The following SOX6 variants were observed in gnomAD, a reference collection of about 807,000 sequenced individuals.
The protein encoded by SOX6 is transcription factor SOX-6.
A neutral mutation model predicts 97.8 loss-of-function variants in SOX6; 11 were observed. That is an observed-to-expected ratio of 0.11 (90% CI 0.07 to 0.19). The LOEUF (loss-of-function observed/expected upper bound fraction) is 0.19. Among genes scored for constraint, SOX6 ranks in the 10% least tolerant of loss-of-function variants. The pLI is 1.00. For missense variants in SOX6, 810 were observed against 1,039.5 expected (o/e 0.78, Z 3.04); for synonymous variants, 360 against 371.4 (o/e 0.97, Z 0.35).
chr11:16,408,940 T>C (rs1858739495), intron 1 of SOX6: 2 of 152,154 alleles, frequency 1.3e-5, no homozygotes, highest in East Asian at 1.9e-4. Context: ...AATGGGGTAA[T>C]TGTGGGACCT....
At chr11:16,028,363 C>T (rs1287156517) in intron 12 of SOX6, among the ~76,000 whole-genome samples, 3 of 152,172 alleles carry the variant, frequency 2.0e-5, no homozygotes, top group African/African-American at 7.2e-5. Flanking sequence ...ACAAAGCTTT[C>T]AGGGAAAGTC....
At chr11:16,635,678 C>T (rs1427051992) in intron 3 of SOX6, among the ~76,000 whole-genome samples, 1 of 152,174 alleles carries the variant, frequency 6.6e-6, no homozygotes, top group African/African-American at 2.4e-5. Context: ...ACAGCTGCCC[C>T]TCCCATCACA....
chr11:16,005,905 A>G (rs1854539167), intron 13 of SOX6, among the ~76,000 whole-genome samples: 2 of 151,964 alleles, frequency 1.3e-5, no homozygotes, highest in Non-Finnish European at 2.9e-5. Context: ...CCCCTCTGGT[A>G]CTATGACCTA....
In SOX6 at chr11:16,572,412, C is replaced by A. The variant is rs139689783; in HGVS notation, n.609+39669G>T. Among the ~76,000 whole-genome samples the A allele has an allele frequency of 1.8e-4, 27 of 152,236 alleles. No individual in the cohort carries two copies. The East Asian group carries it at 4.8e-3, about 27-fold the overall frequency. On this transcript the variant is annotated intron_variant and non_coding_transcript_variant, in intron 4 of 5. Coordinates refer to the SOX6 transcript ENST00000524520. ...AAAAAACTTTAAGAAATACTTTAAG[C>A]CATAATGCTTAATTTATTTTTTAAA...
chr11:16,286,388 T>A (rs932536014), intron 3 of SOX6, among the ~76,000 whole-genome samples: 37 of 152,154 alleles, frequency 2.4e-4, no homozygotes, highest in Non-Finnish European at 1.0e-4. Flanking sequence ...AGAAGAGGAA[T>A]GCTCCTGGAC....
intron 4 of SOX6, among the ~76,000 whole-genome samples, chr11:16,211,602 A>T (rs1852235823): frequency 6.6e-6 from 1 of 152,200 alleles, no homozygotes; most frequent in South Asian, 2.1e-4. Flanking sequence ...GGTTCCTGGA[A>T]TCTGGAGAAT....
chr11:16,402,879 C>T (rs1381802673), intron 1 of SOX6: 9 of 1,522,552 alleles, frequency 5.9e-6, no homozygotes, highest in South Asian at 4.8e-5. Flanking sequence ...AAACTACACT[C>T]AGTTGGGCTG....
intron 2 of SOX6, among the ~76,000 whole-genome samples, chr11:16,726,681 G>A (rs1009661560): frequency 1.3e-5 from 2 of 152,128 alleles, no homozygotes; most frequent in African/African-American, 4.8e-5. Context: ...GGGAAGAACA[G>A]GGCAAAAGTA....
intron 1 of SOX6, among the ~76,000 whole-genome samples, chr11:16,425,703 A>C (rs1460427083): frequency 1.3e-5 from 2 of 152,200 alleles, no homozygotes; most frequent in Non-Finnish European, 2.9e-5. Context: ...AATCAGGAAC[A>C]AACTCCTATT....
At chr11:16,668,920 A>G (rs1425664428) in intron 3 of SOX6, among the ~76,000 whole-genome samples, 3 of 152,364 alleles carry the variant, frequency 2.0e-5, no homozygotes, top group African/African-American at 4.8e-5. Flanking sequence ...AAGAAGAGAA[A>G]TAGACCCCAA....
At chr11:16,147,390 T>C (rs577172883) in intron 6 of SOX6, among the ~76,000 whole-genome samples, 4 of 152,132 alleles carry the variant, frequency 2.6e-5, no homozygotes, top group East Asian at 1.9e-4. Context: ...TTAGGAGATA[T>C]ACCTAATGCT....
At chr11:15,998,549 T>G (rs1854302165) in intron 13 of SOX6, among the ~76,000 whole-genome samples, 1 of 151,920 alleles carries the variant, frequency 6.6e-6, no homozygotes, top group Non-Finnish European at 1.5e-5. Context: ...TCCTCAAAGT[T>G]TTTTCATATA....
chr11:16,102,112 A>G (rs376387557), intron 7 of SOX6, among the ~76,000 whole-genome samples: 3 of 151,980 alleles, frequency 2.0e-5, no homozygotes, highest in East Asian at 3.9e-4. Context: ...TCATGATATG[A>G]TTGTATACCT....
intron 1 of SOX6, among the ~76,000 whole-genome samples, chr11:16,394,870 A>T (rs560248693): frequency 6.6e-6 from 1 of 151,976 alleles, no homozygotes; most frequent in South Asian, 2.1e-4. Flanking sequence ...CCAGGAATAC[A>T]GATTCCCCAA....
At chr11:16,000,982 G>A (rs558931445) in intron 13 of SOX6, among the ~76,000 whole-genome samples, 74 of 151,918 alleles carry the variant, frequency 4.9e-4, no homozygotes, top group South Asian at 1.5e-3. Context: ...TCAGCCTCCC[G>A]AGTAACTGGA....
chr11:16,726,026 A>G (rs1848303998), intron 2 of SOX6, among the ~76,000 whole-genome samples: 1 of 152,154 alleles, frequency 6.6e-6, no homozygotes, highest in South Asian at 2.1e-4. Context: ...TTAAATTTAA[A>G]CCTTAGCTGG....
intron 3 of SOX6, among the ~76,000 whole-genome samples, chr11:16,688,131 C>T (rs1564869525): frequency 6.6e-6 from 1 of 151,984 alleles, no homozygotes; most frequent in Non-Finnish European, 1.5e-5. Context: ...CACCACCACA[C>T]CTGGCTAATT....
intron 6 of SOX6, among the ~76,000 whole-genome samples, chr11:16,139,804 C>T (rs917265571): frequency 1.3e-5 from 2 of 151,772 alleles, no homozygotes; most frequent in African/African-American, 4.8e-5. Flanking sequence ...TTATACTTCT[C>T]TCTATATAGA....
At chr11:16,327,003 G>GATAGTGAAACT (rs1190473712) in intron 2 of SOX6, among the ~76,000 whole-genome samples, 2 of 152,122 alleles carry the variant, frequency 1.3e-5, no homozygotes, top group African/African-American at 4.8e-5. Context: ...TTAGTTTCAG[G>GATAGTGAAACT]ATAGTGAAAC....
Sources: gnomAD v4.1 joint callset for allele counts (sites outside exome capture counted in the v4.1 genomes callset) on GRCh38, gnomAD v4.1.1 for gene constraint, MANE v1.5 for transcripts, NCBI Gene and HGNC (gene_info 2026-07-23, HGNC 2026-07-21) for gene names.